The following NPRL3 variants were observed in gnomAD, a reference collection of about 807,000 sequenced individuals.
NPRL3 encodes GATOR1 complex protein NPRL3.
In NPRL3, 23 loss-of-function variants were observed where a neutral mutation model predicts 57.2. The observed-to-expected ratio is 0.40, with a 90% CI of 0.29 to 0.57. The LOEUF (loss-of-function observed/expected upper bound fraction) is 0.57. Among genes scored for constraint, NPRL3 ranks in the 20% least tolerant of loss-of-function variants. The probability of loss-of-function intolerance (pLI) is 0.42; values close to 1 mark genes in which losing one functional copy is unlikely to be tolerated. For missense variants in NPRL3, 691 were observed against 767.1 expected (o/e 0.90, Z 1.17); for synonymous variants, 333 against 321.1 (o/e 1.04, Z -0.39).
At chr16:114,582 G>A (rs1287958184) in intron 5 of NPRL3, among the ~76,000 whole-genome samples, 1 of 152,162 alleles carries the variant, frequency 6.6e-6, no homozygotes, top group African/African-American at 2.4e-5. Flanking sequence ...AGGGAGGGGA[G>A]ACCTCTGGAT....
At chr16:123,906 C>CACACTCA in intron 3 of NPRL3, among the ~76,000 whole-genome samples, 1 of 65,782 alleles carries the variant, frequency 1.5e-5, no homozygotes, top group Admixed American at 1.5e-4. Flanking sequence ...ACACACTCCC[C>CACACTCA]ACGCTGAGAA....
At chr16:100,994 A>AAAAAAAAAAAAAAAAG (rs1899276041) in intron 7 of NPRL3, among the ~76,000 whole-genome samples, 2 of 145,802 alleles carry the variant, frequency 1.4e-5, no homozygotes, top group African/African-American at 5.0e-5. Flanking sequence ...AAAAAAAGGA[A>AAAAAAAAAAAAAAAAG]GAAGAAGAAG....
chr16:128,982 A>G (rs1415502227), intron 3 of NPRL3, among the ~76,000 whole-genome samples: 1 of 152,234 alleles, frequency 6.6e-6, no homozygotes, highest in Non-Finnish European at 1.5e-5. Context: ...ATGATGTGCT[A>G]AAATTACTGA....
At chr16:131,783 A>T (rs1032233507) in intron 2 of NPRL3, among the ~76,000 whole-genome samples, 1 of 151,898 alleles carries the variant, frequency 6.6e-6, no homozygotes, top group African/African-American at 2.4e-5. Context: ...TACATCTATC[A>T]ATTTACTCTT....
In NPRL3 at chr16:89,824, C is replaced by A; in HGVS notation, c.1240G>T (p.Ala414Ser). The A allele has an allele frequency of 6.3e-7, 1 of 1,587,506 alleles. No homozygotes were observed. The highest frequency in any genetic ancestry group is 8.6e-7 in the Non-Finnish European group (1 of 1,168,372). The change falls in exon 12 of 14, where the codon GCC becomes TCC. Residue 414 changes from alanine to serine, a missense_variant. Coordinates refer to ENST00000611875, the MANE Select transcript of NPRL3 (RefSeq NM_001077350.3). ...IQLHTYVCLM[A>S]SPSEEEPRPR... ...CGGGGCTCCTCCTCGCTGGGTGAGG[C>A]CATCAGGCAGACATAGGTGTGCAGC...
At chr16:137,133 TC>T (rs1266274492) in intron 2 of NPRL3, among the ~76,000 whole-genome samples, 4 of 146,778 alleles carry the variant, frequency 2.7e-5, no homozygotes, top group African/African-American at 7.6e-5. Flanking sequence ...GGCAGGAGAA[TC>T]CCTTGAGCCC....
intron 13 of NPRL3, among the ~76,000 whole-genome samples, chr16:88,407 A>C (rs1191790127): frequency 7.7e-6 from 1 of 130,664 alleles, no homozygotes; most frequent in African/African-American, 2.9e-5. Flanking sequence ...AAAAAAAAAA[A>C]AGAACTTGGC....
intron 2 of NPRL3, among the ~76,000 whole-genome samples, chr16:131,597 CA>C (rs59373757): frequency 0.02 from 1,389 of 69,654 alleles, 5 homozygotes; most frequent in African/African-American, 0.064. Flanking sequence ...GACTCAGTCT[CA>C]AAAAAAAAAA....
chr16:87,116 A>G (rs1898511232), intron 13 of NPRL3, among the ~76,000 whole-genome samples: 1 of 152,224 alleles, frequency 6.6e-6, no homozygotes. Context: ...ACGGCTGTTC[A>G]AACCCAGAGG....
chr16:94,121 C>T (rs1898884946), intron 9 of NPRL3, among the ~76,000 whole-genome samples: 1 of 152,134 alleles, frequency 6.6e-6, no homozygotes, highest in South Asian at 2.1e-4. Flanking sequence ...CATGCCACCC[C>T]TACATACCCA....
chr16:130,442 T>C, intron 3 of NPRL3, 80 bp downstream of exon 3: 1 of 1,381,368 alleles, frequency 7.2e-7, no homozygotes, highest in South Asian at 1.2e-5. Flanking sequence ...AGAAAACATC[T>C]GGGTGAATAG....
At chr16:97,560 C>T (rs1054049077) in intron 9 of NPRL3, among the ~76,000 whole-genome samples, 7 of 151,982 alleles carry the variant, frequency 4.6e-5, no homozygotes, top group Admixed American at 2.6e-4. Flanking sequence ...CAACCAGATC[C>T]GCAGACGAGG....
chr16:132,269 A>C (rs577083210), intron 2 of NPRL3, among the ~76,000 whole-genome samples: 1 of 152,268 alleles, frequency 6.6e-6, no homozygotes, highest in Non-Finnish European at 1.5e-5. Context: ...CAGCCTCCCA[A>C]GTGTTGGGAT....
At chr16:134,696 T>TA (rs201630492) in intron 2 of NPRL3, among the ~76,000 whole-genome samples, 7,589 of 44,140 alleles carry the variant, frequency 0.17, 157 homozygotes, top group Middle Eastern at 0.31. Flanking sequence ...TTATTATTAT[T>TA]TTTTTTTTTT....
rs1596496241 is a variant in NPRL3, at chr16:89,705, G to A, written c.1351+8C>T. On this transcript the variant is annotated splice_region_variant and intron_variant, in intron 12 of 13. Coordinates refer to ENST00000611875, the MANE Select transcript of NPRL3 (RefSeq NM_001077350.3). Reference sequence around the variant, plus strand: ...CTGACTACCACAGCGGTGCCCTGGGGGTCCTACTTGGGGAGCCAAAGCTGA... The same window carrying A: ...CTGACTACCACAGCGGTGCCCTGGGAGTCCTACTTGGGGAGCCAAAGCTGA... The A allele has an allele frequency of 1.3e-6, 2 of 1,558,376 alleles. No homozygotes were observed. Among genetic ancestry groups the A allele is most frequent in the Non-Finnish European group, 1.7e-6 (2 of 1,159,348 alleles).
chr16:114,920 C>T (rs1238861023), intron 5 of NPRL3, among the ~76,000 whole-genome samples: 1 of 151,120 alleles, frequency 6.6e-6, no homozygotes, highest in African/African-American at 2.4e-5. Flanking sequence ...TAAGGTTTGT[C>T]AGTCTGCTCT....
intron 9 of NPRL3, among the ~76,000 whole-genome samples, chr16:94,670 T>C (rs1898908842): frequency 6.6e-6 from 1 of 152,200 alleles, no homozygotes; most frequent in Non-Finnish European, 1.5e-5. Flanking sequence ...GAGGATTGCT[T>C]GCACCTGGGA....
At chr16:138,071 C>CGAGGCGGCCCTGGAAT (rs1406113771) in intron 2 of NPRL3, 79 bp downstream of exon 2, 16 of 1,056,146 alleles carry the variant, frequency 1.5e-5, no homozygotes, top group Non-Finnish European at 2.3e-5. Context: ...CTAAGCTCCG[C>CGAGGCGGCCCTGGAAT]GAGGCGGCCC....
Position 86,507 on chromosome 16 carries a change from A to C in NPRL3, c.*198T>G. On this transcript the variant is annotated 3_prime_UTR_variant, in exon 14 of 14. Coordinates refer to ENST00000611875, the MANE Select transcript of NPRL3 (RefSeq NM_001077350.3). ...AGGGAAGCGTAGGAACACAGAGGGC[A>C]GCAGCCCCACAGCGGAACCACCAGG... 1.7e-6 allele frequency: 1 copy of C among 588,052 alleles called. No homozygotes were observed. Among genetic ancestry groups the C allele is most frequent in the South Asian group, 2.1e-5 (1 of 47,350 alleles). 36.4% of individuals were successfully genotyped at this position (588,052 alleles called of 1,614,324 possible).
Sources: allele counts gnomAD v4.1 joint callset (sites outside exome capture counted in the v4.1 genomes callset), GRCh38; gene constraint gnomAD v4.1.1; transcripts MANE v1.5; gene names NCBI Gene and HGNC (gene_info 2026-07-23, HGNC 2026-07-21).